CFAP92: variants seen among roughly 807,000 people sequenced by gnomAD.
The protein encoded by CFAP92 is uncharacterized protein CFAP92.
A neutral mutation model predicts 106.3 loss-of-function variants in CFAP92; 86 were observed. The observed-to-expected ratio is 0.81, with a 90% CI of 0.68 to 0.97. The LOEUF is 0.97. CFAP92 is among the 50% of genes least tolerant of loss of function. The pLI, the probability that CFAP92 is intolerant of heterozygous loss-of-function variation, is 0.00. For synonymous variants in CFAP92, 477 were observed against 506.4 expected, an observed-to-expected ratio of 0.94 and a Z score of 0.78; for missense variants, 1,204 against 1,283.8, an observed-to-expected ratio of 0.94 and a Z score of 0.95.
At position 128,916,117 on chromosome 3, in the gene CFAP92, T is replaced by A. The variant is rs1050214400; in HGVS notation, c.2906A>T (p.Glu969Val). The A allele has an allele frequency of 4.1e-6, 5 of 1,232,276 alleles. No homozygotes were observed. The South Asian group carries it at 2.1e-4, about 51-fold the overall frequency. The allele number at this position is 1,232,276 out of a possible 1,614,324, so 76.3% of individuals were successfully genotyped here. A position where few individuals can be genotyped will look rare whatever the true frequency, so the allele number is the denominator to read the frequency against. ...TELAKKELYQ[E>V]IAKEPRKRFT... is the part of the protein sequence containing the mutation. ...GTCTGGGTCTCTCACCTTGGCTATC[T>A]CTTGATACAGCTCCTTCTTGGCAAG... Residue 969 changes from glutamate to valine, a missense_variant, in exon 13 of 16, where the codon GAG (glutamate) becomes GTG (valine). By Grantham distance (121) the Glu-to-Val change is moderately radical. Coordinates refer to ENST00000645291, the MANE Select transcript of CFAP92 (RefSeq NM_001394090.1).
chr3:128,990,157 A>C (rs1208264005), intron 2 of CFAP92, among the ~76,000 whole-genome samples: 1 of 152,278 alleles, frequency 6.6e-6, no homozygotes, highest in Non-Finnish European at 1.5e-5. Flanking sequence ...CATATAATGG[A>C]ATACTGTTAA....
upstream of CFAP92, among the ~76,000 whole-genome samples, chr3:129,005,223 G>A (rs73865534): frequency 0.02 from 3,054 of 152,340 alleles, 104 homozygotes; most frequent in African/African-American, 0.068. Context: ...CAGATGCGTG[G>A]CAGCAGGCAG....
In CFAP92 at chr3:128,915,384, C is replaced by T. The variant is rs1168749533; in HGVS notation, c.3096G>A (p.Lys1032=). The T allele has an allele frequency of 1.3e-6, 2 of 1,536,002 alleles. No homozygotes were observed. The highest frequency in any genetic ancestry group is 2.7e-5 in the African/African-American group (2 of 73,028). Reference sequence around the variant, plus strand: ...CATTCAGCTCTTTGATGGGTGGCAGCTTGAGATCCTGAAAGCTGCTTTCGG... The same window carrying T: ...CATTCAGCTCTTTGATGGGTGGCAGTTTGAGATCCTGAAAGCTGCTTTCGG... ...SDTESSFQDL[K]LPPIKELNEE... is the part of the protein sequence containing the mutation. Residue 1032 remains lysine, a synonymous_variant, in exon 14 of 16, where the codon AAG becomes AAA. Coordinates refer to ENST00000645291, the MANE Select transcript of CFAP92 (RefSeq NM_001394090.1).
At chr3:128,936,638 G>A (rs1939051714) in intron 10 of CFAP92, among the ~76,000 whole-genome samples, 2 of 152,056 alleles carry the variant, frequency 1.3e-5, no homozygotes, top group Admixed American at 6.6e-5. Flanking sequence ...CACCTGCTGC[G>A]ACTCCAAGAC....
Position 128,954,612 on chromosome 3 carries a change from T to TG in CFAP92, c.1354-8638dup, listed in dbSNP as rs1289038518. Among the ~76,000 whole-genome samples, 72 of 22,512 alleles carry TG rather than the reference T, an allele frequency of 3.2e-3. 1 individual carries two copies. The highest frequency in any genetic ancestry group is 0.03 in the African/African-American group (67 of 2,234). The allele number at this position is 22,512 out of a possible 152,430, so 14.8% of individuals were successfully genotyped here. A position where few individuals can be genotyped will look rare whatever the true frequency, so the allele number is the denominator to read the frequency against. On this transcript the variant is annotated intron_variant, in intron 9 of 15. Coordinates refer to ENST00000645291, the MANE Select transcript of CFAP92 (RefSeq NM_001394090.1). ...CCAGCCGTGCCATCCGGGAGGGAGG[T>TG]GGGGGGGTCAGCCCCCCGCCCGGCC... is the stretch of plus-strand genomic sequence containing the variant.
chr3:129,015,750 A>C, the CFAP92 span, among the ~76,000 whole-genome samples: 1 of 143,310 alleles, frequency 7.0e-6, no homozygotes, highest in African/African-American at 2.5e-5. Flanking sequence ...CTTGTGATTT[A>C]TTTTCCGCCC....
At chr3:128,959,181 G>C (rs994154301) in intron 9 of CFAP92, among the ~76,000 whole-genome samples, 1 of 152,118 alleles carries the variant, frequency 6.6e-6, no homozygotes, top group South Asian at 2.1e-4. Context: ...CTGCACTCCA[G>C]CCTGGGCAAC....
At chr3:128,956,215 T>TAAAAAAAAAAAAAAAAAAAAAAAAAAAA (rs545191144) in intron 9 of CFAP92, among the ~76,000 whole-genome samples, 1 of 68,760 alleles carries the variant, frequency 1.5e-5, no homozygotes, top group Non-Finnish European at 3.0e-5. Context: ...AATAAAAAAA[T>TAAAAAAAAAAAAAAAAAAAAAAAAAAAA]AAAAAAAAAA....
At chr3:128,987,851 G>C (rs1364739320) in intron 3 of CFAP92, 22 bp from the exon 4 acceptor site, 1 of 1,571,248 alleles carries the variant, frequency 6.4e-7, no homozygotes, top group Non-Finnish European at 8.6e-7. Flanking sequence ...AACATTCAGA[G>C]ATGTCAACTG....
intron 12 of CFAP92, among the ~76,000 whole-genome samples, chr3:128,922,561 GA>G (rs747608671): frequency 1.3e-5 from 2 of 152,156 alleles, no homozygotes; most frequent in Non-Finnish European, 2.9e-5. Flanking sequence ...ACTATTCAGG[GA>G]AAGGATTTTG....
At chr3:128,988,602 T>C (rs1576640041) in intron 3 of CFAP92, 126 bp downstream of exon 3, 3 of 938,842 alleles carry the variant, frequency 3.2e-6, no homozygotes, top group Non-Finnish European at 4.7e-6. Context: ...ACTCAGGAGG[T>C]GGGGCCCGGG....
At chr3:128,942,441 A>T (rs1458772524) in intron 10 of CFAP92, among the ~76,000 whole-genome samples, 1 of 152,222 alleles carries the variant, frequency 6.6e-6, no homozygotes, top group African/African-American at 2.4e-5. Context: ...CTGACCGCCT[A>T]CATGGCTGAA....
intron 4 of CFAP92, among the ~76,000 whole-genome samples, chr3:128,981,188 C>A (rs1943511348): frequency 6.6e-6 from 1 of 151,856 alleles, no homozygotes; most frequent in African/African-American, 2.4e-5. Flanking sequence ...AGGCGCCCAC[C>A]ACCACACCCG....
intron 15 of CFAP92, chr3:128,913,067 G>A (rs1936525727): frequency 2.2e-6 from 1 of 454,512 alleles, no homozygotes; most frequent in Admixed American, 2.3e-5. Flanking sequence ...ACATGTACCA[G>A]GAACCATTTA....
intron 1 of CFAP92, among the ~76,000 whole-genome samples, chr3:129,000,516 C>G (rs765555627): frequency 2.0e-5 from 3 of 152,206 alleles, no homozygotes; most frequent in Non-Finnish European, 4.4e-5. Flanking sequence ...CTTGCTCCAA[C>G]ATGGCTGGGT....
rs151199995 is a variant in CFAP92, at chr3:128,911,067, T to G, written c.3281-734A>C. On this transcript the variant is annotated intron_variant, in intron 15 of 15. Transcript: ENST00000645291. The stretch of plus-strand genomic sequence containing the variant: ...TGTGTGTATGTATGTATGTATGTAT[T>G]TATTTCGAGATGGAGTTTCGCTCTT... 4.0e-4 allele frequency among the ~76,000 whole-genome samples: 61 copies of G among 152,260 alleles called. No individual in the cohort carries two copies. The highest frequency in any genetic ancestry group is 3.5e-3 in the East Asian group (18 of 5,184).
chr3:128,953,625 C>CTCTCCGTCTCCGTCTCCG (rs1392362537), intron 9 of CFAP92, among the ~76,000 whole-genome samples: 4 of 126,212 alleles, frequency 3.2e-5, no homozygotes, highest in African/African-American at 1.6e-4. Context: ...CTCTCCCTCC[C>CTCTCCGTCTCCGTCTCCG]TCTCCGTCTC....
chr3:128,930,252 G>A (rs977709920), intron 12 of CFAP92, among the ~76,000 whole-genome samples: 2 of 152,058 alleles, frequency 1.3e-5, no homozygotes, highest in East Asian at 1.9e-4. Flanking sequence ...CTGGGTTCAC[G>A]CCATTCTCCT....
At chr3:128,977,641 T>G (rs970173989) in intron 5 of CFAP92, among the ~76,000 whole-genome samples, 1 of 152,130 alleles carries the variant, frequency 6.6e-6, no homozygotes, top group African/African-American at 2.4e-5. Context: ...GGTGGATCAC[T>G]TGAGGTCAGG....
Sources: allele counts gnomAD v4.1 joint callset (sites outside exome capture counted in the v4.1 genomes callset), GRCh38; gene constraint gnomAD v4.1.1; transcripts MANE v1.5; gene names NCBI Gene and HGNC (gene_info 2026-07-23, HGNC 2026-07-21).